Variants in NKX2-3 observed in about 807,000 individuals in gnomAD.
The protein encoded by NKX2-3 is NK2 homeobox 3.
Under a neutral mutation model 14.2 loss-of-function variants are expected in NKX2-3, and 3 were observed. The ratio of observed to expected loss-of-function variants is 0.21; its 90% CI spans 0.10 to 0.55. NKX2-3 has a LOEUF of 0.55. NKX2-3 is among the 20% of genes least tolerant of loss of function. The pLI is 0.94. For synonymous variants in NKX2-3, 276 were observed against 234.2 expected (o/e 1.18, Z -1.63); for missense variants, 511 against 514.5 (o/e 0.99, Z 0.06).
chr10:99,535,366 G>C lies in NKX2-3; in HGVS notation c.740G>C (p.Gly247Ala), dbSNP rs960331512. 4 of 1,470,242 alleles carry C rather than the reference G, an allele frequency of 2.7e-6. No homozygotes were observed. The African/African-American group carries it at 6.0e-5, about 22-fold the overall frequency. The allele number at this position is 1,470,242 out of a possible 1,614,324, so 91.1% of individuals were successfully genotyped here. ...GTCACGCCCAGCGCGCAGGCCTACG[G>C]CGCGCCCTACAGCGTGGGCGCCAGC... Reference protein sequence around the residue: ...PCVTPSAQAYGAPYSVGASAY... With the variant: ...PCVTPSAQAYAAPYSVGASAY... The change falls in exon 2 of 2, where the codon GGC (glycine) becomes GCC (alanine). Residue 247 changes from glycine to alanine, a missense_variant. By Grantham distance (60) the Gly-to-Ala change is moderately conservative. This residue lies in a region of NKX2-3 where 264 missense variants were observed against 254.7 expected (regional missense o/e 1.04). Coordinates refer to ENST00000344586, the MANE Select transcript of NKX2-3 (RefSeq NM_145285.3).
rs1222452622 is a variant in NKX2-3 at position 99,533,223 on chromosome 10, A to T, written c.92A>T (p.His31Leu). The change falls in exon 1 of 2, where the codon CAC becomes CTC. Residue 31 changes from histidine (H) to leucine (L), a missense_variant. Around this residue, in one of 3 missense-constraint regions of NKX2-3, gnomAD observed 243 missense variants for 242.3 expected, o/e 1.00. Coordinates refer to ENST00000344586, the MANE Select transcript of NKX2-3 (RefSeq NM_145285.3). The part of the protein sequence containing the change: ...EQQHQHFHGA[H>L]LQADLEHHFH... ...CAGCACCAGCACTTCCATGGTGCGCACTTGCAGGCGGACTTGGAGCACCAC... is the reference window on the plus strand; with the variant it reads ...CAGCACCAGCACTTCCATGGTGCGCTCTTGCAGGCGGACTTGGAGCACCAC... 1 of 1,610,668 alleles carries T rather than the reference A, an allele frequency of 6.2e-7. No homozygotes were observed. Among genetic ancestry groups the T allele is most frequent in the Non-Finnish European group, 8.5e-7 (1 of 1,177,194 alleles).
At chr10:99,534,867 C>A (rs2033948992) in intron 1 of NKX2-3, 118 bp from the exon 2 acceptor site, 3 of 1,272,146 alleles carry the variant, frequency 2.4e-6, no homozygotes, top group Admixed American at 5.5e-5. Flanking sequence ...TCCCAAAAGT[C>A]CAGCCATTTA....
chr10:99,535,597 C>A lies in NKX2-3; in HGVS notation c.971C>A (p.Pro324His). The A allele has an allele frequency of 6.6e-7, 1 of 1,511,460 alleles. No individual in the cohort carries two copies. Among genetic ancestry groups the A allele is most frequent in the Middle Eastern group, 1.7e-4 (1 of 5,760 alleles). The allele number at this position is 1,511,460 out of a possible 1,614,324, so 93.6% of individuals were successfully genotyped here. A position where few individuals can be genotyped will look rare whatever the true frequency, so the allele number is the denominator to read the frequency against. ...QPACSAAGGGPFVNVSNLGGF... is the reference protein window; with the variant it reads ...QPACSAAGGGHFVNVSNLGGF... ...GCCTGCAGCGCGGCCGGAGGCGGCCCCTTTGTGAACGTGAGCAACCTAGGA... is the reference window on the plus strand; with the variant it reads ...GCCTGCAGCGCGGCCGGAGGCGGCCACTTTGTGAACGTGAGCAACCTAGGA... The change falls in exon 2 of 2, where the codon CCC becomes CAC. Residue 324 changes from proline to histidine, a missense_variant. Physicochemically the swap from Pro to His is moderately conservative, Grantham distance 77 (BLOSUM62 -2). Around this residue, in one of 3 missense-constraint regions of NKX2-3, gnomAD observed 264 missense variants for 254.7 expected, o/e 1.04. Transcript: ENST00000344586.
chr10:99,533,590 T>G, intron 1 of NKX2-3, 101 bp downstream of exon 1: 3 of 888,634 alleles, frequency 3.4e-6, no homozygotes, highest in Non-Finnish European at 3.4e-6. Context: ...CCCATCCCTT[T>G]ACCCTTTGGC....
In NKX2-3 at chr10:99,536,108, A is replaced by G; in HGVS notation, c.*387A>G. On this transcript the variant is annotated 3_prime_UTR_variant, in exon 2 of 2. Transcript: ENST00000344586. ...GCGTTGGCGGGGAGCCCAAGGACAT[A>G]ACAAATTAAAAGCATGAAGGAGAGA... The G allele has an allele frequency of 4.4e-6, 1 of 225,866 alleles. No individual in the cohort carries two copies. The highest frequency in any genetic ancestry group is 1.5e-3 in the Middle Eastern group (1 of 660). 14.0% of individuals were successfully genotyped at this position (225,866 alleles called of 1,614,324 possible).
intron 1 of NKX2-3, 104 bp from the exon 2 acceptor site, chr10:99,534,881 C>T (rs1298120937): frequency 1.8e-5 from 25 of 1,390,816 alleles, no homozygotes; most frequent in African/African-American, 4.4e-5. Context: ...CCATTTACTA[C>T]CGCACGCTCT....
At chr10:99,534,929 G>A in intron 1 of NKX2-3, 56 bp from the exon 2 acceptor site, 1 of 1,539,342 alleles carries the variant, frequency 6.5e-7, no homozygotes, top group African/African-American at 1.4e-5. Context: ...CTCCAGGACA[G>A]GAGCCGCGGT....
At position 99,535,349 on chromosome 10, in the gene NKX2-3, C is replaced by T; in HGVS notation, c.723C>T (p.Pro241=). 2 of 1,508,446 alleles carry T rather than the reference C, an allele frequency of 1.3e-6. No individual in the cohort carries two copies. The highest frequency in any genetic ancestry group is 2.5e-5 in the East Asian group (1 of 39,788). 93.4% of individuals were successfully genotyped at this position (1,508,446 alleles called of 1,614,324 possible). A position where few individuals can be genotyped will look rare whatever the true frequency, so the allele number is the denominator to read the frequency against. ...LVRDGKPCVT[P]SAQAYGAPYS... is the part of the protein sequence containing the mutation. ...GGGACGGCAAGCCGTGCGTCACGCC[C>T]AGCGCGCAGGCCTACGGCGCGCCCT... is the stretch of plus-strand genomic sequence containing the variant. Residue 241 remains proline (P), a synonymous_variant, in exon 2 of 2, where the codon CCC becomes CCT. Transcript: ENST00000344586.
chr10:99,533,411 C>T lies in NKX2-3; in HGVS notation c.280C>T (p.His94Tyr). Residue 94 changes from histidine to tyrosine, a missense_variant, in exon 1 of 2, where the codon CAC (histidine) becomes TAC (tyrosine). This residue lies in a region of NKX2-3 where 243 missense variants were observed against 242.3 expected (regional missense o/e 1.00). Transcript: ENST00000344586. ...DSGLCPQGYV[H>Y]TVLRDSCSEP... ...AGGGCTGTGTCCCCAGGGCTATGTC[C>T]ACACGGTCCTGCGAGACTCGTGCAG... is the stretch of plus-strand genomic sequence containing the variant. 1 of 1,603,516 alleles carries T rather than the reference C, an allele frequency of 6.2e-7. No homozygotes were observed.
chr10:99,535,873 C>T lies in NKX2-3; in HGVS notation c.*152C>T. 1.1e-6 allele frequency: 1 copy of T among 921,058 alleles called. No individual in the cohort carries two copies. The highest frequency in any genetic ancestry group is 1.5e-6 in the Non-Finnish European group (1 of 649,470). 57.1% of individuals were successfully genotyped at this position (921,058 alleles called of 1,614,324 possible). On this transcript the variant is annotated 3_prime_UTR_variant, in exon 2 of 2. Transcript: ENST00000344586. ...GCTTCGGATCGCAGCTCACTCGAGG[C>T]CTGGGGAAGGGGACTCAGGGGCGAG...
chr10:99,535,288 C>G lies in NKX2-3; in HGVS notation c.662C>G (p.Pro221Arg). The G allele has an allele frequency of 6.3e-7, 1 of 1,591,306 alleles. No homozygotes were observed. Among genetic ancestry groups the G allele is most frequent in the Non-Finnish European group, 8.5e-7 (1 of 1,170,180 alleles). The change falls in exon 2 of 2, where the codon CCG becomes CGG. Residue 221 changes from proline to arginine, a missense_variant. Around this residue, in one of 3 missense-constraint regions of NKX2-3, gnomAD observed 264 missense variants for 254.7 expected, o/e 1.04. Coordinates refer to ENST00000344586, the MANE Select transcript of NKX2-3 (RefSeq NM_145285.3). The stretch of plus-strand genomic sequence containing the variant: ...GAGCTTGGCGCACACGCGCCCCCGC[C>G]GCCGCCGCGCCGCGTGGCTGTCCCG... ...SLELGAHAPP[P>R]PPRRVAVPVL...
At position 99,535,272 on chromosome 10, in the gene NKX2-3, G is replaced by T; in HGVS notation, c.646G>T (p.Ala216Ser). ...GCAGGACAAGTCTCTGGAGCTTGGC[G>T]CACACGCGCCCCCGCCGCCGCCGCG... ...QRQDKSLELG[A>S]HAPPPPPRRV... Residue 216 changes from alanine (A) to serine (S), a missense_variant, in exon 2 of 2, where the codon GCA becomes TCA. This residue lies in a region of NKX2-3 where 264 missense variants were observed against 254.7 expected (regional missense o/e 1.04). Coordinates refer to ENST00000344586, the MANE Select transcript of NKX2-3 (RefSeq NM_145285.3). 1 of 1,600,082 alleles carries T rather than the reference G, an allele frequency of 6.2e-7. No individual in the cohort carries two copies. The highest frequency in any genetic ancestry group is 8.5e-7 in the Non-Finnish European group (1 of 1,174,386).
At position 99,535,650 on chromosome 10, in the gene NKX2-3, C is replaced by T. The variant is rs1298154833; in HGVS notation, c.1024C>T (p.Pro342Ser). 3 of 1,536,440 alleles carry T rather than the reference C, an allele frequency of 2.0e-6. No homozygotes were observed. Among genetic ancestry groups the T allele is most frequent in the Non-Finnish European group, 2.6e-6 (3 of 1,144,994 alleles). ...CTTCGGCAGCGGCGGCAGCGCACAGCCGTTGCACCAGGGTACTGCAGCCGG... is the reference window on the plus strand; with the variant it reads ...CTTCGGCAGCGGCGGCAGCGCACAGTCGTTGCACCAGGGTACTGCAGCCGG... ...GGFGSGGSAQ[P>S]LHQGTAAGAA... Residue 342 changes from proline (P) to serine (S), a missense_variant, in exon 2 of 2, where the codon CCG becomes TCG. Transcript: ENST00000344586.
At chr10:99,534,431 T>C (rs1471581307) in intron 1 of NKX2-3, among the ~76,000 whole-genome samples, 1 of 152,242 alleles carries the variant, frequency 6.6e-6, no homozygotes, top group Non-Finnish European at 1.5e-5. Context: ...TCAAACTTCA[T>C]TTTCAAAGTG....
rs1237636234 is a variant in NKX2-3 at position 99,535,478 on chromosome 10, G to A, written c.852G>A (p.Ala284=). 2 of 1,200,592 alleles carry A rather than the reference G, an allele frequency of 1.7e-6. No individual in the cohort carries two copies. Among genetic ancestry groups the A allele is most frequent in the African/African-American group, 1.6e-5 (1 of 60,670 alleles). The allele number at this position is 1,200,592 out of a possible 1,614,324, so 74.4% of individuals were successfully genotyped here. A position where few individuals can be genotyped will look rare whatever the true frequency, so the allele number is the denominator to read the frequency against. ...AAAAAAAAAA[A]AAYSSSYGCA... ...CCGCCGCCGCCGCCGCCGCAGCAGC[G>A]GCGGCCTACAGCAGCAGCTATGGCT... Residue 284 remains alanine, a synonymous_variant, in exon 2 of 2, where the codon GCG becomes GCA. Coordinates refer to ENST00000344586, the MANE Select transcript of NKX2-3 (RefSeq NM_145285.3).
rs879092478 is a variant in NKX2-3 at position 99,535,661 on chromosome 10, G to A, written c.1035G>A (p.Gln345=). The A allele has an allele frequency of 6.5e-6, 10 of 1,537,534 alleles. No individual in the cohort carries two copies. The East Asian group carries it at 2.5e-4, about 38-fold the overall frequency. Residue 345 remains glutamine, a synonymous_variant, in exon 2 of 2, where the codon CAG becomes CAA. Coordinates refer to ENST00000344586, the MANE Select transcript of NKX2-3 (RefSeq NM_145285.3). ...GCGGCAGCGCACAGCCGTTGCACCA[G>A]GGTACTGCAGCCGGGGCCGCGTGCG... The part of the protein sequence containing the change: ...GSGGSAQPLH[Q]GTAAGAACAQ...
At position 99,535,872 on chromosome 10, in the gene NKX2-3, G is replaced by T. The variant is rs779101917; in HGVS notation, c.*151G>T. ...GGCTTCGGATCGCAGCTCACTCGAG[G>T]CCTGGGGAAGGGGACTCAGGGGCGA... On this transcript the variant is annotated 3_prime_UTR_variant, in exon 2 of 2. Coordinates refer to ENST00000344586, the MANE Select transcript of NKX2-3 (RefSeq NM_145285.3). 27 of 922,772 alleles carry T rather than the reference G, an allele frequency of 2.9e-5. No individual in the cohort carries two copies. The highest frequency in any genetic ancestry group is 3.8e-5 in the Non-Finnish European group (25 of 650,618). The allele number at this position is 922,772 out of a possible 1,614,324, so 57.2% of individuals were successfully genotyped here. A position where few individuals can be genotyped will look rare whatever the true frequency, so the allele number is the denominator to read the frequency against.
Position 99,535,078 on chromosome 10 carries a change from C to T in NKX2-3, c.452C>T (p.Pro151Leu). The stretch of plus-strand genomic sequence containing the variant: ...CCGAAGCCACGCAGCCGCCGGAAGC[C>T]CCGGGTCCTCTTCTCGCAAGCCCAG... ...ERPKPRSRRK[P>L]RVLFSQAQVF... The change falls in exon 2 of 2, where the codon CCC becomes CTC. Residue 151 changes from proline to leucine, a missense_variant. Pro to Leu is a moderately conservative substitution (Grantham distance 98). Coordinates refer to ENST00000344586, the MANE Select transcript of NKX2-3 (RefSeq NM_145285.3). 1 of 1,607,900 alleles carries T rather than the reference C, an allele frequency of 6.2e-7. No homozygotes were observed. Among genetic ancestry groups the T allele is most frequent in the Non-Finnish European group, 8.5e-7 (1 of 1,177,542 alleles).
In NKX2-3 at chr10:99,535,832, C is replaced by A. The variant is rs1414241299; in HGVS notation, c.*111C>A. ...GGTCCCCTCGTTAAAAAAATATGTA[C>A]GTCTAGCTCCTCAGGGCTTCGGATC... On this transcript the variant is annotated 3_prime_UTR_variant, in exon 2 of 2. Coordinates refer to ENST00000344586, the MANE Select transcript of NKX2-3 (RefSeq NM_145285.3). The A allele has an allele frequency of 1.7e-6, 2 of 1,211,226 alleles. No individual in the cohort carries two copies. The highest frequency in any genetic ancestry group is 2.8e-4 in the Middle Eastern group (1 of 3,536). 75.0% of individuals were successfully genotyped at this position (1,211,226 alleles called of 1,614,324 possible). A position where few individuals can be genotyped will look rare whatever the true frequency, so the allele number is the denominator to read the frequency against.
Sources: allele counts gnomAD v4.1 joint callset (sites outside exome capture counted in the v4.1 genomes callset), GRCh38; gene constraint gnomAD v4.1.1; regional missense constraint gnomAD v4.1.1; transcripts MANE v1.5; gene names NCBI Gene and HGNC (gene_info 2026-07-23, HGNC 2026-07-21).